AEBP2: variants seen among roughly 807,000 people sequenced by gnomAD.
AEBP2 encodes AE binding protein 2, also known as zinc finger protein AEBP2.
A neutral mutation model predicts 50.8 loss-of-function variants in AEBP2; 10 were observed. The observed-to-expected ratio is 0.20, with a 90% confidence interval of 0.12 to 0.33. The LOEUF is 0.33. Ranked by LOEUF, AEBP2 falls within the 10% of genes least tolerant of loss-of-function variation. The pLI, the probability that AEBP2 is intolerant of heterozygous loss-of-function variation, is 1.00. For synonymous variants in AEBP2, 296 were observed against 261.3 expected, an observed-to-expected ratio of 1.13 and a Z score of -1.28; for missense variants, 570 against 688.0, an observed-to-expected ratio of 0.83 and a Z score of 1.92.
chr12:19,507,574 G>A (rs974637190), intron 5 of AEBP2, among the ~76,000 whole-genome samples: 4 of 152,198 alleles, frequency 2.6e-5, no homozygotes, highest in Non-Finnish European at 5.9e-5. Flanking sequence ...CTAGGAATGA[G>A]TGATGTCCAC....
At chr12:19,481,549 G>C (rs1948729906) in intron 3 of AEBP2, among the ~76,000 whole-genome samples, 1 of 150,314 alleles carries the variant, frequency 6.7e-6, no homozygotes. Flanking sequence ...TTGGTTTATT[G>C]CAACCTCCCA....
At chr12:19,481,763 G>T (rs1219635335) in intron 3 of AEBP2, among the ~76,000 whole-genome samples, 1 of 152,218 alleles carries the variant, frequency 6.6e-6, no homozygotes, top group African/African-American at 2.4e-5. Flanking sequence ...ACAGGCATGA[G>T]CCACGGTGCC....
At chr12:19,438,730 G>A (rs189091087), upstream of AEBP2, among the ~76,000 whole-genome samples, 2 of 152,206 alleles carry the variant, frequency 1.3e-5, no homozygotes, top group African/African-American at 4.8e-5. Flanking sequence ...TATATTACTA[G>A]GATAAAATTC....
chr12:19,517,469 G>C (rs1464178940), intron 7 of AEBP2, among the ~76,000 whole-genome samples: 1 of 152,122 alleles, frequency 6.6e-6, no homozygotes, highest in African/African-American at 2.4e-5. Context: ...GACCAATATA[G>C]TGTAACAATG....
At chr12:19,485,466 G>A (rs531370226) in intron 3 of AEBP2, among the ~76,000 whole-genome samples, 73 of 151,980 alleles carry the variant, frequency 4.8e-4, no homozygotes, top group Non-Finnish European at 9.1e-4. Flanking sequence ...CAGCACTTTG[G>A]GAGGCTGACA....
Position 19,440,324 on chromosome 12 carries a change from A to G in AEBP2, c.625A>G (p.Met209Val). 6.8e-7 allele frequency: 1 copy of G among 1,465,308 alleles called. No homozygotes were observed. The allele number at this position is 1,465,308 out of a possible 1,614,324, so 90.8% of individuals were successfully genotyped here. A position where few individuals can be genotyped will look rare whatever the true frequency, so the allele number is the denominator to read the frequency against. The stretch of plus-strand genomic sequence containing the variant: ...CGGGGGCCGGCGGGGCAGCTTGGAG[A>G]TGTCGTCGGATGGGGAACCCCTGAG... ...TSGGRRGSLE[M>V]SSDGEPLSRM... Residue 209 changes from methionine (M) to valine (V), a missense_variant, in exon 1 of 8, where the codon ATG (methionine) becomes GTG (valine). By Grantham distance (21) the Met-to-Val change is conservative. Transcript: ENST00000266508.
intron 3 of AEBP2, among the ~76,000 whole-genome samples, chr12:19,493,197 T>C (rs902391117): frequency 1.3e-5 from 2 of 151,844 alleles, no homozygotes; most frequent in African/African-American, 2.4e-5. Flanking sequence ...AGGCCAGGAG[T>C]TCGAGACCAG....
intron 1 of AEBP2, among the ~76,000 whole-genome samples, chr12:19,455,235 C>T (rs1043759482): frequency 6.6e-6 from 1 of 152,016 alleles, no homozygotes; most frequent in South Asian, 2.1e-4. Flanking sequence ...TCTAGAAATC[C>T]TCCCGCTCCA....
At chr12:19,508,569 G>C (rs1949188057) in intron 5 of AEBP2, among the ~76,000 whole-genome samples, 1 of 152,070 alleles carries the variant, frequency 6.6e-6, no homozygotes, top group Non-Finnish European at 1.5e-5. Context: ...TTATTGTTTT[G>C]CCTGATTTTA....
intron 1 of AEBP2, among the ~76,000 whole-genome samples, chr12:19,405,159 A>G (rs1341177695): frequency 6.6e-6 from 1 of 150,644 alleles, no homozygotes; most frequent in Non-Finnish European, 1.5e-5. Flanking sequence ...CTGTTCTGGA[A>G]CTCAAGTGAT....
intron 1 of AEBP2, among the ~76,000 whole-genome samples, chr12:19,430,366 T>G (rs1167930121): frequency 1.3e-5 from 2 of 152,224 alleles, no homozygotes; most frequent in African/African-American, 2.4e-5. Flanking sequence ...CCATGCTGTT[T>G]TGGTTACTGT....
intron 2 of AEBP2, among the ~76,000 whole-genome samples, chr12:19,468,185 A>C (rs896469824): frequency 6.6e-5 from 9 of 135,846 alleles, no homozygotes; most frequent in Admixed American, 3.7e-4. Flanking sequence ...CAGTCTTACT[A>C]TGTTGTCCAA....
At chr12:19,459,334 C>T (rs1001358837) in intron 1 of AEBP2, among the ~76,000 whole-genome samples, 1 of 151,930 alleles carries the variant, frequency 6.6e-6, no homozygotes, top group Non-Finnish European at 1.5e-5. Flanking sequence ...TGGGTTCATG[C>T]CATTCTCCTG....
Position 19,439,684 on chromosome 12 carries a change from AGG to A in AEBP2, c.-15_-14del. 3.3e-6 allele frequency: 5 copies of A among 1,515,566 alleles called. No homozygotes were observed. The highest frequency in any genetic ancestry group is 2.6e-5 in the East Asian group (1 of 37,864). The allele number at this position is 1,515,566 out of a possible 1,614,324, so 93.9% of individuals were successfully genotyped here. On this transcript the variant is annotated 5_prime_UTR_variant, in exon 1 of 8. Transcript: ENST00000266508. The stretch of plus-strand genomic sequence containing the variant: ...GGCGGTGGGGAGGAGGAGGAGGAGG[AGG>A]AGCAGGCGCCGCCATGGCCGCCGCT...
intron 5 of AEBP2, among the ~76,000 whole-genome samples, chr12:19,505,752 A>T (rs938642867): frequency 1.4e-4 from 21 of 152,060 alleles, no homozygotes; most frequent in Admixed American, 1.3e-3. Context: ...TTGAATAGGC[A>T]TGGTCTGATT....
chr12:19,464,470 A>C (rs892806707), intron 2 of AEBP2, among the ~76,000 whole-genome samples: 2 of 152,086 alleles, frequency 1.3e-5, no homozygotes, highest in Admixed American at 1.3e-4. Context: ...GAGTCTTGGA[A>C]TCCCACAAGT....
chr12:19,459,829 A>G (rs1258004736), intron 1 of AEBP2, among the ~76,000 whole-genome samples: 1 of 152,134 alleles, frequency 6.6e-6, no homozygotes, highest in African/African-American at 2.4e-5. Context: ...AACCTGAGAC[A>G]TTTTTCATAT....
At position 19,518,853 on chromosome 12, in the gene AEBP2, T is replaced by TA; in HGVS notation, c.*736_*737insA. On this transcript the variant is annotated 3_prime_UTR_variant, in exon 8 of 8. Coordinates refer to ENST00000266508, the MANE Select transcript of AEBP2 (RefSeq NM_153207.5). Reference sequence around the variant, plus strand: ...TCTCATGGAGTACAGTATGTTAATATTTACCTATATAACTAATCTGTTAAC... The same window carrying TA: ...TCTCATGGAGTACAGTATGTTAATATATTACCTATATAACTAATCTGTTAAC... The TA allele has an allele frequency of 1.8e-6, 1 of 554,374 alleles. No individual in the cohort carries two copies. The highest frequency in any genetic ancestry group is 2.8e-6 in the Non-Finnish European group (1 of 350,914). The allele number at this position is 554,374 out of a possible 1,614,324, so 34.3% of individuals were successfully genotyped here.
intron 1 of AEBP2, among the ~76,000 whole-genome samples, chr12:19,410,137 C>T (rs1368441824): frequency 2.0e-5 from 3 of 152,158 alleles, no homozygotes; most frequent in South Asian, 2.1e-4. Context: ...ATAGGGCCAG[C>T]GCCCTAATCT....
Sources: gnomAD v4.1 joint callset for allele counts (sites outside exome capture counted in the v4.1 genomes callset) on GRCh38, gnomAD v4.1.1 for gene constraint, MANE v1.5 for transcripts, NCBI Gene and HGNC (gene_info 2026-07-23, HGNC 2026-07-21) for gene names.